MMP1: variants seen among roughly 807,000 people sequenced by gnomAD.
MMP1 encodes interstitial collagenase.
A neutral mutation model predicts 49.6 loss-of-function variants in MMP1; 51 were observed. The observed-to-expected ratio is 1.03, with a 90% CI of 0.82 to 1.30. The LOEUF is 1.30. MMP1 is among the 50% of genes most tolerant of loss of function. The probability of loss-of-function intolerance (pLI) is 0.00; values close to 1 mark genes in which losing one functional copy is unlikely to be tolerated. For missense variants in MMP1, 623 were observed against 568.7 expected (o/e 1.10, Z -0.97); for synonymous variants, 230 against 196.8 (o/e 1.17, Z -1.41).
rs1216462674 is a variant in MMP1 at position 102,795,214 on chromosome 11, T to C, written c.859A>G (p.Ile287Val). Residue 287 changes from isoleucine to valine, a missense_variant, in exon 6 of 10, where the codon ATA (isoleucine) becomes GTA (valine). Physicochemically the swap from Ile to Val is conservative, Grantham distance 29. Transcript: ENST00000315274. ...ATCACTTCTCCCCGAATCGTAGTTA[T>C]AGCATCAAAGGTTAGCTTACTGTCA... ...ACDSKLTFDA[I>V]TTIRGEVMFF... 11 of 1,614,120 alleles carry C rather than the reference T, an allele frequency of 6.8e-6. No individual in the cohort carries two copies. Among genetic ancestry groups the C allele is most frequent in the Admixed American group, 3.3e-5 (2 of 59,998 alleles).
rs1858212627 is a variant in MMP1 at position 102,797,028 on chromosome 11, G to A, written c.485C>T (p.Ser162Phe). 1 of 1,613,332 alleles carries A rather than the reference G, an allele frequency of 6.2e-7. No individual in the cohort carries two copies. Among genetic ancestry groups the A allele is most frequent in the African/African-American group, 1.3e-5 (1 of 74,866 alleles). The change falls in exon 3 of 10, where the codon TCT becomes TTT. Residue 162 changes from serine to phenylalanine, a missense_variant. By Grantham distance (155) the Ser-to-Phe change is radical. Coordinates refer to ENST00000315274, the MANE Select transcript of MMP1 (RefSeq NM_002421.4). Reference sequence around the variant, plus strand: ...GAAGAACTTACCTCCCCTGACAAAAGATATCATGATGTCTGCTTGACCCTC... The same window carrying A: ...GAAGAACTTACCTCCCCTGACAAAAAATATCATGATGTCTGCTTGACCCTC... ...VSEGQADIMI[S>F]FVRGDHRDNS...
intron 6 of MMP1, 169 bp downstream of exon 6, chr11:102,795,005 A>G: frequency 1.6e-6 from 1 of 623,750 alleles, no homozygotes; most frequent in Non-Finnish European, 2.8e-6. Context: ...GTAGAAAAAC[A>G]AAGTTGTTAC....
intron 6 of MMP1, 140 bp from the exon 7 acceptor site, chr11:102,792,878 G>T: frequency 2.7e-6 from 2 of 745,586 alleles, no homozygotes; most frequent in Non-Finnish European, 4.3e-6. Flanking sequence ...AAGAAGGGTT[G>T]GTTTATAGCA....
In MMP1 at chr11:102,792,638, A is replaced by AT. The variant is rs764055579; in HGVS notation, c.999dup (p.Phe334IlefsTer6). 1 of 1,613,920 alleles carries AT rather than the reference A, an allele frequency of 6.2e-7. No individual in the cohort carries two copies. On this transcript the variant is annotated frameshift_variant, in exon 7 of 10. Coordinates refer to ENST00000315274, the MANE Select transcript of MMP1 (RefSeq NM_002421.4). LOFTEE classifies it high-confidence loss of function. ...AACCGGACTTCATCTCTGTCGGCAA[A>AT]TTCGTAAGCAGCTTCAAGCCCATTT...
chr11:102,797,767 G>T (rs770966340), intron 1 of MMP1, among the ~76,000 whole-genome samples: 7 of 151,996 alleles, frequency 4.6e-5, no homozygotes, highest in Non-Finnish European at 1.0e-4. Context: ...ACAATTTGTG[G>T]AGACAAGTTT....
chr11:102,797,351 C>T lies in MMP1; in HGVS notation c.255G>A (p.Lys85=), dbSNP rs762620524. ...CTCCACATCTGGGCTGCTTCATCAC[C>T]TTCAGGGTTTCAGCATCTGGTTTCC... is the stretch of plus-strand genomic sequence containing the variant. The part of the protein sequence containing the change: ...VTGKPDAETL[K]VMKQPRCGVP... The change falls in exon 2 of 10, where the codon AAG becomes AAA. Residue 85 remains lysine (K), a synonymous_variant. Transcript: ENST00000315274. 1.2e-6 allele frequency: 2 copies of T among 1,614,170 alleles called. No individual in the cohort carries two copies. The highest frequency in any genetic ancestry group is 3.3e-5 in the Admixed American group (2 of 60,012).
In MMP1 at chr11:102,791,372, G is replaced by T. The variant is rs1441228928; in HGVS notation, c.1157C>A (p.Thr386Asn). 4 of 1,614,014 alleles carry T rather than the reference G, an allele frequency of 2.5e-6. No homozygotes were observed. The highest frequency in any genetic ancestry group is 3.4e-6 in the Non-Finnish European group (4 of 1,179,860). Residue 386 changes from threonine (T) to asparagine (N), a missense_variant, in exon 8 of 10, where the codon ACT (threonine) becomes AAT (asparagine). Transcript: ENST00000315274. ...HIDAALSEEN[T>N]GKTYFFVANK... ...AGCAACAAAGAAGTAGGTTTTTCCA[G>T]TGTTTTCCTCAGAAAGAGCAGCATC...
chr11:102,797,483 G>T lies in MMP1; in HGVS notation c.123C>A (p.Tyr41Ter). Reference sequence around the variant, plus strand: ...GCCTCCCATCATTCTTCAGGTTGTAGTATTTTTCCAGGTATTTCTGACAAA... The same window carrying T: ...GCCTCCCATCATTCTTCAGGTTGTATTATTTTTCCAGGTATTTCTGACAAA... ...VDLVQKYLEK[Y>*]YNLKNDGRQV... Residue 41 changes from tyrosine to a stop codon, truncating the protein, a stop_gained, in exon 2 of 10, where the codon TAC (tyrosine) becomes TAA (stop). Transcript: ENST00000315274. LOFTEE classifies it high-confidence loss of function. 1.9e-6 allele frequency: 3 copies of T among 1,614,032 alleles called. No individual in the cohort carries two copies. In the East Asian group the frequency reaches 6.7e-5, roughly 36 times the overall value.
intron 1 of MMP1, 98 bp downstream of exon 1, chr11:102,797,890 C>A: frequency 2.3e-6 from 2 of 886,248 alleles, no homozygotes; most frequent in Non-Finnish European, 3.3e-6. Flanking sequence ...AAAAAAATCT[C>A]TTTATAAGAA....
chr11:102,790,226 T>C lies in MMP1; in HGVS notation c.*186A>G. ...TGTACCCACCATTTGTGGAACTAAATTATATCAGTACAAAAAGGGCTACAT... is the reference window on the plus strand; with the variant it reads ...TGTACCCACCATTTGTGGAACTAAACTATATCAGTACAAAAAGGGCTACAT... On this transcript the variant is annotated 3_prime_UTR_variant, in exon 10 of 10. Transcript: ENST00000315274. 2.3e-6 allele frequency: 1 copy of C among 432,464 alleles called. No homozygotes were observed. The highest frequency in any genetic ancestry group is 4.1e-6 in the Non-Finnish European group (1 of 243,554). The allele number at this position is 432,464 out of a possible 1,614,324, so 26.8% of individuals were successfully genotyped here.
In MMP1 at chr11:102,794,525, A is replaced by G. The variant is rs1858125251; in HGVS notation, c.899+649T>C. The stretch of plus-strand genomic sequence containing the variant: ...AGGGAGTTCTAGGATTCTTCTTTGA[A>G]GAGGGAAGCACCATGTTGTGGCTGC... On this transcript the variant is annotated intron_variant, in intron 6 of 9. Coordinates refer to ENST00000315274, the MANE Select transcript of MMP1 (RefSeq NM_002421.4). This position sits in a 1 kb window ranked among gnomAD's most constrained non-coding sequence, Gnocchi z 4.3. Among the ~76,000 whole-genome samples, 1 of 152,186 alleles carries G rather than the reference A, an allele frequency of 6.6e-6. No individual in the cohort carries two copies. The highest frequency in any genetic ancestry group is 2.1e-4 in the South Asian group (1 of 4,830).
chr11:102,795,401 A>G, intron 5 of MMP1, 51 bp downstream of exon 5: 2 of 1,603,336 alleles, frequency 1.2e-6, no homozygotes, highest in South Asian at 1.1e-5. Context: ...TATTTGAAAT[A>G]CATATAAAGA....
At position 102,797,003 on chromosome 11, in the gene MMP1, G is replaced by A. The variant is rs779024525; in HGVS notation, c.499+11C>T. The A allele has an allele frequency of 1.2e-6, 2 of 1,609,584 alleles. No homozygotes were observed. The highest frequency in any genetic ancestry group is 8.5e-7 in the Non-Finnish European group (1 of 1,177,172). ...GCAAGGTGAGGTTAAGGTGCTATAA[G>A]AAGAACTTACCTCCCCTGACAAAAG... On this transcript the variant is annotated intron_variant, in intron 3 of 9. Coordinates refer to ENST00000315274, the MANE Select transcript of MMP1 (RefSeq NM_002421.4).
rs997593629 is a variant in MMP1 at position 102,794,233 on chromosome 11, G to A, written c.899+941C>T. Among the ~76,000 whole-genome samples the A allele has an allele frequency of 1.3e-5, 2 of 152,198 alleles. No individual in the cohort carries two copies. The highest frequency in any genetic ancestry group is 1.3e-4 in the Admixed American group (2 of 15,286). On this transcript the variant is annotated intron_variant, in intron 6 of 9. Coordinates refer to ENST00000315274, the MANE Select transcript of MMP1 (RefSeq NM_002421.4). The surrounding 1 kb of genome is among the most constrained non-coding windows in gnomAD (Gnocchi z 4.3). ...AGAAAGAATTATGAGCCAGTGCCCT[G>A]AATTCTAGGAGAGATGCGACTACAG...
rs556086714 is a variant in MMP1, at chr11:102,791,429, G to A, written c.1100C>T (p.Ser367Phe). ...CTTCACAGTTCTAGGGAAGCCAAAG[G>A]AGCTGTAGATGTCCTTGGGGTATCC... The part of the protein sequence containing the change: ...LHGYPKDIYS[S>F]FGFPRTVKHI... The change falls in exon 8 of 10, where the codon TCC (serine) becomes TTC (phenylalanine). Residue 367 changes from serine (S) to phenylalanine (F), a missense_variant. Ser to Phe is a radical substitution (Grantham distance 155, BLOSUM62 -2). Coordinates refer to ENST00000315274, the MANE Select transcript of MMP1 (RefSeq NM_002421.4). The A allele has an allele frequency of 6.8e-6, 11 of 1,614,046 alleles. No individual in the cohort carries two copies. Among genetic ancestry groups the A allele is most frequent in the South Asian group, 6.6e-5 (6 of 91,078 alleles).
At position 102,790,244 on chromosome 11, in the gene MMP1, G is replaced by T; in HGVS notation, c.*168C>A. 1 of 481,380 alleles carries T rather than the reference G, an allele frequency of 2.1e-6. No homozygotes were observed. Among genetic ancestry groups the T allele is most frequent in the South Asian group, 3.6e-5 (1 of 27,898 alleles). The allele number at this position is 481,380 out of a possible 1,614,324, so 29.8% of individuals were successfully genotyped here. Reference sequence around the variant, plus strand: ...AACTAAATTATATCAGTACAAAAAGGGCTACATTCTAAATAGTAAAAAAAT... The same window carrying T: ...AACTAAATTATATCAGTACAAAAAGTGCTACATTCTAAATAGTAAAAAAAT... On this transcript the variant is annotated 3_prime_UTR_variant, in exon 10 of 10. Transcript: ENST00000315274.
intron 6 of MMP1, 87 bp from the exon 7 acceptor site, chr11:102,792,825 G>A: frequency 7.9e-7 from 1 of 1,264,482 alleles, no homozygotes; most frequent in South Asian, 1.3e-5. Flanking sequence ...CTTGTTGCTG[G>A]CACTAGTGGT....
At position 102,794,999 on chromosome 11, in the gene MMP1, A is replaced by G. The variant is rs1379618986; in HGVS notation, c.899+175T>C. 8 of 608,632 alleles carry G rather than the reference A, an allele frequency of 1.3e-5. No homozygotes were observed. Among genetic ancestry groups the G allele is most frequent in the Non-Finnish European group, 2.3e-5 (8 of 342,014 alleles). 37.7% of individuals were successfully genotyped at this position (608,632 alleles called of 1,614,324 possible). A position where few individuals can be genotyped will look rare whatever the true frequency, so the allele number is the denominator to read the frequency against. ...GAATCAGTTGACCTAATACATGTAGAAAAACAAAGTTGTTACAAGTACATT... is the reference window on the plus strand; with the variant it reads ...GAATCAGTTGACCTAATACATGTAGGAAAACAAAGTTGTTACAAGTACATT... On this transcript the variant is annotated intron_variant, in intron 6 of 9. Coordinates refer to ENST00000315274, the MANE Select transcript of MMP1 (RefSeq NM_002421.4). The surrounding 1 kb of genome is among the most constrained non-coding windows in gnomAD (Gnocchi z 4.3).
At chr11:102,795,704 T>C in intron 4 of MMP1, 97 bp from the exon 5 acceptor site, 14 of 1,042,554 alleles carry the variant, frequency 1.3e-5, no homozygotes, top group Non-Finnish European at 1.9e-5. Flanking sequence ...GGACTCATGT[T>C]ACTATTTTAT....
Sources: allele counts gnomAD v4.1 joint callset (sites outside exome capture counted in the v4.1 genomes callset), GRCh38; gene constraint gnomAD v4.1.1; non-coding constraint Gnocchi (gnomAD v3.1); transcripts MANE v1.5; gene names NCBI Gene and HGNC (gene_info 2026-07-23, HGNC 2026-07-21).